The following PTPRR variants were observed in gnomAD, a reference collection of about 807,000 sequenced individuals.
PTPRR encodes protein tyrosine phosphatase receptor type R.
Under a neutral mutation model 77.2 loss-of-function variants are expected in PTPRR, and 38 were observed. The observed-to-expected ratio is 0.49, with a 90% CI of 0.38 to 0.65. The LOEUF is 0.65. Among genes scored for constraint, PTPRR ranks in the 30% least tolerant of loss-of-function variants. PTPRR has a pLI of 0.00. For missense variants in PTPRR, 744 were observed against 799.2 expected (o/e 0.93, Z 0.83); for synonymous variants, 299 against 283.1 (o/e 1.06, Z -0.57).
In PTPRR at chr12:70,806,266, TAG is replaced by T. The variant is rs368163026; in HGVS notation, c.358-41490_358-41489del. 1.8e-3 allele frequency among the ~76,000 whole-genome samples: 278 copies of T among 151,738 alleles called. 1 individual carries two copies. The highest frequency in any genetic ancestry group is 6.3e-3 in the African/African-American group (263 of 41,472). On this transcript the variant is annotated intron_variant, in intron 2 of 13. Transcript: ENST00000283228. ...CTGAGTCATTACTCTAGACAGACTC[TAG>T]AGAGAGAGAGAGAACATTTCAGCAT...
At chr12:70,875,573 A>G (rs560569190) in intron 2 of PTPRR, among the ~76,000 whole-genome samples, 1 of 152,268 alleles carries the variant, frequency 6.6e-6, no homozygotes, top group South Asian at 2.1e-4. Context: ...ATCTACATAT[A>G]AAGAAACCAG....
At chr12:70,868,906 T>C (rs542191298) in intron 2 of PTPRR, among the ~76,000 whole-genome samples, 91 of 150,906 alleles carry the variant, frequency 6.0e-4, no homozygotes, top group African/African-American at 2.2e-3. Flanking sequence ...AAACTGGAAA[T>C]CATCATTCTC....
At chr12:70,672,672 G>C in intron 10 of PTPRR, 3 of 1,546,376 alleles carry the variant, frequency 1.9e-6, no homozygotes, top group South Asian at 2.2e-5. Flanking sequence ...CCAACCAGAT[G>C]GTGGTCAAGA....
intron 6 of PTPRR, among the ~76,000 whole-genome samples, chr12:70,720,128 A>G (rs894393363): frequency 1.3e-5 from 2 of 152,216 alleles, no homozygotes; most frequent in African/African-American, 4.8e-5. Context: ...ATATAGTCTA[A>G]TTATGAATAT....
intron 10 of PTPRR, chr12:70,672,933 G>C: frequency 6.8e-7 from 1 of 1,460,522 alleles, no homozygotes; most frequent in Non-Finnish European, 9.2e-7. Context: ...GGGAAATGTC[G>C]AATGCCAGGT....
intron 1 of PTPRR, among the ~76,000 whole-genome samples, chr12:70,918,104 A>C (rs1012840001): frequency 5.9e-5 from 9 of 152,162 alleles, no homozygotes; most frequent in Non-Finnish European, 1.2e-4. Flanking sequence ...TTATTTTCTT[A>C]ATCTCCAAAT....
At chr12:70,719,685 G>A (rs2136840758) in intron 6 of PTPRR, among the ~76,000 whole-genome samples, 1 of 152,158 alleles carries the variant, frequency 6.6e-6, no homozygotes, top group South Asian at 2.1e-4. Context: ...CCTTCCAGAG[G>A]GCCACGGGCG....
At chr12:70,722,445 GAA>G (rs113495586) in intron 6 of PTPRR, among the ~76,000 whole-genome samples, 262 of 152,216 alleles carry the variant, frequency 1.7e-3, no homozygotes, top group African/African-American at 6.0e-3. Flanking sequence ...AATGATTTCT[GAA>G]AAGAGTTCGC....
intron 2 of PTPRR, among the ~76,000 whole-genome samples, chr12:70,881,252 C>T (rs774064690): frequency 3.9e-5 from 6 of 152,188 alleles, no homozygotes; most frequent in Non-Finnish European, 7.3e-5. Flanking sequence ...AATAATGCAG[C>T]TTCACTAGGT....
chr12:70,734,047 T>C (rs1889779462), intron 6 of PTPRR, among the ~76,000 whole-genome samples: 1 of 152,204 alleles, frequency 6.6e-6, no homozygotes, highest in African/African-American at 2.4e-5. Flanking sequence ...CCTGACACAG[T>C]ATCTAAGATT....
At chr12:70,750,335 C>T (rs1447348344) in intron 5 of PTPRR, among the ~76,000 whole-genome samples, 1 of 152,098 alleles carries the variant, frequency 6.6e-6, no homozygotes, top group Admixed American at 6.6e-5. Flanking sequence ...CAAATGGAGG[C>T]ACTTGATTTG....
intron 2 of PTPRR, among the ~76,000 whole-genome samples, chr12:70,779,702 A>G (rs1208202834): frequency 6.6e-6 from 1 of 152,168 alleles, no homozygotes; most frequent in Non-Finnish European, 1.5e-5. Context: ...GTATTTAATA[A>G]ATTCTTGTAA....
At chr12:70,783,484 T>G (rs1891247781) in intron 2 of PTPRR, among the ~76,000 whole-genome samples, 1 of 152,076 alleles carries the variant, frequency 6.6e-6, no homozygotes, top group African/African-American at 2.4e-5. Context: ...AGAGGATAGC[T>G]CCTGTCTGCA....
At chr12:70,767,219 C>T (rs966246334) in intron 2 of PTPRR, among the ~76,000 whole-genome samples, 3 of 151,970 alleles carry the variant, frequency 2.0e-5, no homozygotes, top group African/African-American at 7.3e-5. Context: ...CACAGACTGG[C>T]AAATTGGATA....
At chr12:70,709,107 A>C (rs1231890988) in intron 6 of PTPRR, among the ~76,000 whole-genome samples, 1 of 152,126 alleles carries the variant, frequency 6.6e-6, no homozygotes. Context: ...CCAGCAGCAC[A>C]TCAAAAAGCT....
chr12:70,701,639 GCTATAT>G (rs944014470), intron 6 of PTPRR, among the ~76,000 whole-genome samples: 1 of 152,100 alleles, frequency 6.6e-6, no homozygotes, highest in Non-Finnish European at 1.5e-5. Context: ...ATTAGGAAAA[GCTATAT>G]CTATATCTAT....
chr12:70,728,656 T>C (rs907374574), intron 6 of PTPRR, among the ~76,000 whole-genome samples: 2 of 150,400 alleles, frequency 1.3e-5, no homozygotes, highest in Non-Finnish European at 3.0e-5. Context: ...CAATAAGTTT[T>C]GAATTTTGGA....
intron 13 of PTPRR, among the ~76,000 whole-genome samples, chr12:70,651,609 T>C (rs1886398204): frequency 6.6e-6 from 1 of 152,220 alleles, no homozygotes; most frequent in Non-Finnish European, 1.5e-5. Context: ...TCATTGCATT[T>C]TGTTTTTAAG....
chr12:70,662,887 A>T (rs1280827024), intron 10 of PTPRR, among the ~76,000 whole-genome samples: 4 of 152,092 alleles, frequency 2.6e-5, no homozygotes, highest in Non-Finnish European at 5.9e-5. Context: ...AAAAAGGCAG[A>T]ATTACCCAAA....
Sources: gnomAD v4.1 joint callset for allele counts (sites outside exome capture counted in the v4.1 genomes callset) on GRCh38, gnomAD v4.1.1 for gene constraint, MANE v1.5 for transcripts, NCBI Gene and HGNC (gene_info 2026-07-23, HGNC 2026-07-21) for gene names.